Variants in JAKMIP1 observed in about 807,000 individuals in gnomAD.
JAKMIP1 encodes the protein janus kinase and microtubule-interacting protein 1.
A neutral mutation model predicts 113.0 loss-of-function variants in JAKMIP1; 33 were observed. The observed-to-expected ratio is 0.29, with a 90% CI of 0.22 to 0.39. The LOEUF is 0.39. Ranked by LOEUF, JAKMIP1 falls within the 10% of genes least tolerant of loss-of-function variation. The pLI is 1.00. For synonymous variants in JAKMIP1, 480 were observed against 459.9 expected (o/e 1.04, Z -0.56); for missense variants, 813 against 1,080.5 (o/e 0.75, Z 3.47).
chr4:6,090,314 G>A (rs1298758123), intron 3 of JAKMIP1, among the ~76,000 whole-genome samples: 1 of 152,158 alleles, frequency 6.6e-6, no homozygotes, highest in African/African-American at 2.4e-5. Flanking sequence ...GCGACTGCAA[G>A]TCAAGAAATG....
chr4:6,105,052 A>T (rs886211022), intron 3 of JAKMIP1, among the ~76,000 whole-genome samples: 3 of 152,156 alleles, frequency 2.0e-5, no homozygotes, highest in Non-Finnish European at 2.9e-5. Context: ...GCTTCCACAG[A>T]TCTCCAGTAT....
At chr4:6,146,380 C>A (rs1720851611) in intron 1 of JAKMIP1, among the ~76,000 whole-genome samples, 1 of 152,152 alleles carries the variant, frequency 6.6e-6, no homozygotes. Context: ...GCAGCCTTGA[C>A]CTCTCGGGCT....
rs763556144 is a variant in JAKMIP1, at chr4:6,168,666, A to G, written c.-148+31587T>C. ...AGCACTTTGGGAGGGCGAGGCGGGC[A>G]GATTTTTTGAGTCCAAGAGTCCAAG... is the stretch of plus-strand genomic sequence containing the variant. On this transcript the variant is annotated intron_variant, in intron 1 of 20. Transcript: ENST00000409021. This position sits in a 1 kb window ranked among gnomAD's most constrained non-coding sequence, Gnocchi z 4.6. 1.3e-5 allele frequency among the ~76,000 whole-genome samples: 2 copies of G among 152,100 alleles called. No individual in the cohort carries two copies.
At chr4:6,113,892 G>C (rs886851110) in intron 1 of JAKMIP1, among the ~76,000 whole-genome samples, 1 of 152,224 alleles carries the variant, frequency 6.6e-6, no homozygotes, top group Non-Finnish European at 1.5e-5. Context: ...AGGGCAGCAC[G>C]TAAGGATGCA....
chr4:6,190,936 C>A (rs911739864), intron 1 of JAKMIP1, among the ~76,000 whole-genome samples: 2 of 152,210 alleles, frequency 1.3e-5, no homozygotes, highest in Non-Finnish European at 2.9e-5. Context: ...AGAGCACAGG[C>A]GGCCTGCACC....
At chr4:6,126,297 CCATACAG>C (rs1717588842) in intron 1 of JAKMIP1, among the ~76,000 whole-genome samples, 1 of 136,268 alleles carries the variant, frequency 7.3e-6, no homozygotes, top group African/African-American at 2.7e-5. Flanking sequence ...CACACACACA[CCATACAG>C]AAACACACAC....
In JAKMIP1 at chr4:6,067,474, C is replaced by G. The variant is rs918096027; in HGVS notation, c.1303-2466G>C. Among the ~76,000 whole-genome samples, 2 of 152,176 alleles carry G rather than the reference C, an allele frequency of 1.3e-5. No individual in the cohort carries two copies. Among genetic ancestry groups the G allele is most frequent in the African/African-American group, 4.8e-5 (2 of 41,424 alleles). ...CTCAAATCTCCCCTCTGGATGAGAA[C>G]CCCACCCGACTTCAGGCATCATGGA... is the stretch of plus-strand genomic sequence containing the variant. On this transcript the variant is annotated intron_variant, in intron 8 of 20. Transcript: ENST00000409021. The surrounding 1 kb of genome is among the most constrained non-coding windows in gnomAD (Gnocchi z 4.6).
At chr4:6,114,819 C>G (rs557199237) in intron 1 of JAKMIP1, among the ~76,000 whole-genome samples, 3 of 152,326 alleles carry the variant, frequency 2.0e-5, no homozygotes, top group African/African-American at 2.4e-5. Flanking sequence ...CAGCAGTTCT[C>G]AGAAATCAGC....
At chr4:6,048,617 A>T (rs1715282313) in intron 16 of JAKMIP1, among the ~76,000 whole-genome samples, 1 of 152,256 alleles carries the variant, frequency 6.6e-6, no homozygotes, top group Admixed American at 6.5e-5. Context: ...GGAAATACAC[A>T]AAAGTGACAG....
chr4:6,091,033 C>G (rs1035591346), intron 3 of JAKMIP1, among the ~76,000 whole-genome samples: 12 of 152,346 alleles, frequency 7.9e-5, no homozygotes, highest in Admixed American at 6.5e-4. Context: ...AGTCCAAAAG[C>G]CTTCTTGCAT....
intron 13 of JAKMIP1, among the ~76,000 whole-genome samples, chr4:6,053,218 C>A (rs1336088833): frequency 6.6e-6 from 1 of 152,186 alleles, no homozygotes; most frequent in Admixed American, 6.5e-5. Context: ...CAGTAACACA[C>A]CCGAGGTAAG....
At chr4:6,126,371 G>GCACAAACACACACCATGCAGAAACACTAA (rs149868835) in intron 1 of JAKMIP1, among the ~76,000 whole-genome samples, 1 of 117,484 alleles carries the variant, frequency 8.5e-6, no homozygotes, top group Non-Finnish European at 1.7e-5. Context: ...ACACACACAT[G>GCACAAACACACACCATGCAGAAACACTAA]CACAAACACA....
At chr4:6,075,319 G>A (rs1230810895) in intron 8 of JAKMIP1, among the ~76,000 whole-genome samples, 2 of 152,138 alleles carry the variant, frequency 1.3e-5, no homozygotes, top group Non-Finnish European at 2.9e-5. Context: ...CTGAATGCCT[G>A]TGGCCTGTGG....
intron 8 of JAKMIP1, among the ~76,000 whole-genome samples, chr4:6,070,745 C>T (rs1425695536): frequency 6.6e-6 from 1 of 152,204 alleles, no homozygotes; most frequent in Non-Finnish European, 1.5e-5. Flanking sequence ...TCATAGGCAC[C>T]CTAGACTTGC....
At chr4:6,103,428 T>C (rs1218948065) in intron 3 of JAKMIP1, among the ~76,000 whole-genome samples, 1 of 152,230 alleles carries the variant, frequency 6.6e-6, no homozygotes, top group East Asian at 1.9e-4. Flanking sequence ...TTGCTCGTAC[T>C]CTTGTATCTA....
Position 6,193,265 on chromosome 4 carries a change from T to G in JAKMIP1, c.-148+6988A>C, listed in dbSNP as rs1468610947. ...CTGAAGGCTGTGCTGTTGGATTCTG[T>G]ACTTTTGAGGTTTTGGGATTCAGAC... On this transcript the variant is annotated intron_variant, in intron 1 of 20. Coordinates refer to ENST00000409021, the MANE Select transcript of JAKMIP1 (RefSeq NM_001099433.2). The surrounding 1 kb of genome is among the most constrained non-coding windows in gnomAD (Gnocchi z 6.4). Among the ~76,000 whole-genome samples the G allele has an allele frequency of 6.6e-6, 1 of 152,172 alleles. No individual in the cohort carries two copies. Among genetic ancestry groups the G allele is most frequent in the African/African-American group, 2.4e-5 (1 of 41,436 alleles).
At chr4:6,101,785 A>G (rs1044207730) in intron 3 of JAKMIP1, among the ~76,000 whole-genome samples, 1 of 151,238 alleles carries the variant, frequency 6.6e-6, no homozygotes, top group African/African-American at 2.4e-5. Context: ...AGGCATCTGT[A>G]ATCCCAGCTA....
intron 1 of JAKMIP1, among the ~76,000 whole-genome samples, chr4:6,121,206 A>AAC (rs1716669298): frequency 6.6e-6 from 1 of 151,320 alleles, no homozygotes; most frequent in Non-Finnish European, 1.5e-5. Flanking sequence ...TCTCAAAAAA[A>AAC]AAAAAAAAAA....
At chr4:6,079,579 A>G (rs1433658878) in intron 7 of JAKMIP1, among the ~76,000 whole-genome samples, 2 of 152,244 alleles carry the variant, frequency 1.3e-5, no homozygotes, top group Admixed American at 6.5e-5. Flanking sequence ...AGCTCCCTGC[A>G]GGTGTTCTCT....
Sources: allele counts gnomAD v4.1 joint callset (sites outside exome capture counted in the v4.1 genomes callset), GRCh38; gene constraint gnomAD v4.1.1; non-coding constraint Gnocchi (gnomAD v3.1); transcripts MANE v1.5; gene names NCBI Gene and HGNC (gene_info 2026-07-23, HGNC 2026-07-21).